EYS: variants seen among roughly 807,000 people sequenced by gnomAD.
The protein encoded by EYS is protein eyes shut homolog.
In EYS, 250 loss-of-function variants were observed where a neutral mutation model predicts 282.1. The observed-to-expected ratio is 0.89, with a 90% CI of 0.80 to 0.98. EYS has a LOEUF of 0.98. EYS is among the 50% of genes least tolerant of loss of function. The pLI is 0.00. For missense variants in EYS, 4,016 were observed against 3,709.0 expected (o/e 1.08, Z -2.15); for synonymous variants, 1,355 against 1,282.9 (o/e 1.06, Z -1.20).
chr6:64,043,340 G>T (rs187851345), intron 33 of EYS, among the ~76,000 whole-genome samples: 73 of 152,278 alleles, frequency 4.8e-4, no homozygotes, highest in African/African-American at 1.6e-3. Context: ...CATCATTCTG[G>T]AATGTTTATA....
At chr6:64,171,000 G>T (rs1295624028) in intron 31 of EYS, among the ~76,000 whole-genome samples, 5 of 152,114 alleles carry the variant, frequency 3.3e-5, no homozygotes, top group African/African-American at 1.2e-4. Context: ...ACCCCCTTAT[G>T]CCTTTACCCC....
chr6:64,289,323 G>T (rs896874497), intron 30 of EYS, among the ~76,000 whole-genome samples: 8 of 152,004 alleles, frequency 5.3e-5, no homozygotes, highest in African/African-American at 1.9e-4. Flanking sequence ...GCTGAGAAAG[G>T]TGACTGTCTT....
chr6:65,159,440 T>C (rs73439495), intron 12 of EYS, among the ~76,000 whole-genome samples: 4,487 of 151,014 alleles, frequency 0.03, 91 homozygotes, highest in African/African-American at 0.057. Flanking sequence ...GCTTAATTTT[T>C]GTATCTATTG....
intron 35 of EYS, among the ~76,000 whole-genome samples, chr6:63,905,774 C>A (rs1773765223): frequency 1.3e-5 from 2 of 152,172 alleles, no homozygotes. Flanking sequence ...CTGATTCCAA[C>A]CAAACGATCA....
chr6:65,490,408 C>A (rs2127266168), intron 5 of EYS, 186 bp downstream of exon 5: 1 of 501,274 alleles, frequency 2.0e-6, no homozygotes, highest in Non-Finnish European at 3.6e-6. Context: ...AAACATTTAG[C>A]AGTAATATGA....
chr6:65,135,401 A>T (rs987728151), intron 12 of EYS, among the ~76,000 whole-genome samples: 1 of 152,006 alleles, frequency 6.6e-6, no homozygotes, highest in Non-Finnish European at 1.5e-5. Context: ...CTTATTTAAT[A>T]TGCAAAAACT....
intron 31 of EYS, among the ~76,000 whole-genome samples, chr6:64,118,515 C>T (rs368947571): frequency 6.6e-6 from 1 of 152,048 alleles, no homozygotes; most frequent in Non-Finnish European, 1.5e-5. Flanking sequence ...ATCCCTATCT[C>T]TCACCATATA....
At chr6:64,120,824 C>G (rs557570059) in intron 31 of EYS, among the ~76,000 whole-genome samples, 5 of 152,144 alleles carry the variant, frequency 3.3e-5, no homozygotes, top group African/African-American at 1.2e-4. Context: ...TAAAATGACA[C>G]AAATTTATTC....
At chr6:65,677,007 A>T (rs6930586) in intron 1 of EYS, among the ~76,000 whole-genome samples, 3,903 of 150,590 alleles carry the variant, frequency 0.026, 166 homozygotes, top group African/African-American at 0.089. Context: ...AGCACTGATT[A>T]TGATTAAAAA....
chr6:65,184,160 T>A (rs1012128627), intron 12 of EYS, among the ~76,000 whole-genome samples: 3 of 151,962 alleles, frequency 2.0e-5, no homozygotes, highest in African/African-American at 4.8e-5. Flanking sequence ...TTAATCTGTT[T>A]GTGCTGCTTT....
intron 24 of EYS, among the ~76,000 whole-genome samples, chr6:64,601,243 G>A (rs1766750528): frequency 1.3e-5 from 2 of 151,964 alleles, no homozygotes; most frequent in Non-Finnish European, 1.5e-5. Flanking sequence ...ATATTGATGA[G>A]TCCCAAAATC....
chr6:63,851,188 C>A (rs1004467242), intron 36 of EYS, among the ~76,000 whole-genome samples: 2 of 152,134 alleles, frequency 1.3e-5, no homozygotes, highest in Non-Finnish European at 2.9e-5. Context: ...TTCTTAGAGA[C>A]CTACAAAGAG....
At chr6:65,570,872 GA>G (rs1764451970) in intron 2 of EYS, among the ~76,000 whole-genome samples, 1 of 152,054 alleles carries the variant, frequency 6.6e-6, no homozygotes, top group Non-Finnish European at 1.5e-5. Context: ...AAAAGTAACT[GA>G]AGATTTTTTT....
chr6:64,333,565 T>G (rs536448068), intron 29 of EYS, among the ~76,000 whole-genome samples: 1 of 152,160 alleles, frequency 6.6e-6, no homozygotes, highest in African/African-American at 2.4e-5. Context: ...AACTGGAACA[T>G]GCAACCCACT....
chr6:64,167,793 A>G (rs1764341796), intron 31 of EYS, among the ~76,000 whole-genome samples: 1 of 152,226 alleles, frequency 6.6e-6, no homozygotes. Flanking sequence ...AATTTATTAA[A>G]CCACACAATA....
chr6:64,696,409 G>A (rs1770580802), intron 22 of EYS, among the ~76,000 whole-genome samples: 1 of 152,146 alleles, frequency 6.6e-6, no homozygotes, highest in Admixed American at 6.5e-5. Context: ...GTATTCCAGA[G>A]GGAGAAGAAA....
At chr6:64,351,298 G>C (rs1381789253) in intron 29 of EYS, among the ~76,000 whole-genome samples, 2 of 151,324 alleles carry the variant, frequency 1.3e-5, no homozygotes, top group Non-Finnish European at 3.0e-5. Flanking sequence ...TTTTATTTTT[G>C]TCTATTTAAA....
chr6:64,763,659 T>C (rs1468815078), intron 22 of EYS, among the ~76,000 whole-genome samples: 2 of 152,166 alleles, frequency 1.3e-5, no homozygotes. Flanking sequence ...TCCCCCAATC[T>C]TAACTTATTC....
At chr6:64,517,442 A>C (rs144294130) in intron 26 of EYS, among the ~76,000 whole-genome samples, 2,475 of 151,986 alleles carry the variant, frequency 0.016, 23 homozygotes, top group South Asian at 0.035. Context: ...GGTAGGGTAG[A>C]AAATAAAAAA....
Sources: gnomAD v4.1 joint callset for allele counts (sites outside exome capture counted in the v4.1 genomes callset) on GRCh38, gnomAD v4.1.1 for gene constraint, MANE v1.5 for transcripts, NCBI Gene and HGNC (gene_info 2026-07-23, HGNC 2026-07-21) for gene names.